RAB31: variants seen among roughly 807,000 people sequenced by gnomAD.
The protein encoded by RAB31 is ras-related protein Rab-31.
In RAB31, 21 loss-of-function variants were observed where a neutral mutation model predicts 25.6. That is an observed-to-expected ratio of 0.82 (90% CI 0.58 to 1.18). RAB31 has a LOEUF of 1.18. Among genes scored for constraint, RAB31 ranks in the 50% most tolerant of loss-of-function variants. The probability of loss-of-function intolerance (pLI) is 0.00; values close to 1 mark genes in which losing one functional copy is unlikely to be tolerated. For synonymous variants in RAB31, 87 were observed against 84.0 expected, an observed-to-expected ratio of 1.04 and a Z score of -0.20; for missense variants, 196 against 250.1, an observed-to-expected ratio of 0.78 and a Z score of 1.46.
chr18:9,847,569 CTAA>C (rs1331774879), intron 6 of RAB31, among the ~76,000 whole-genome samples: 1 of 152,168 alleles, frequency 6.6e-6, no homozygotes, highest in African/African-American at 2.4e-5. Context: ...AAGTACTGTA[CTAA>C]TATCTTTTTT....
At chr18:9,782,342 G>A (rs1391041974) in intron 2 of RAB31, among the ~76,000 whole-genome samples, 1 of 152,212 alleles carries the variant, frequency 6.6e-6, no homozygotes, top group Non-Finnish European at 1.5e-5. Context: ...GCTCACACCA[G>A]TGAGTCCACT....
At chr18:9,739,333 G>A (rs2068166086) in intron 1 of RAB31, among the ~76,000 whole-genome samples, 1 of 152,126 alleles carries the variant, frequency 6.6e-6, no homozygotes, top group African/African-American at 2.4e-5. Context: ...TTAGCTGGGT[G>A]TGGTGGCGAG....
chr18:9,825,511 A>C (rs909003681), intron 5 of RAB31, among the ~76,000 whole-genome samples: 1 of 152,244 alleles, frequency 6.6e-6, no homozygotes, highest in Non-Finnish European at 1.5e-5. Context: ...GCACTTGTTA[A>C]AAATTCCAGT....
chr18:9,727,925 G>A (rs941822791), intron 1 of RAB31, among the ~76,000 whole-genome samples: 3 of 150,946 alleles, frequency 2.0e-5, no homozygotes, highest in Non-Finnish European at 4.4e-5. Context: ...TCTTTTTTGT[G>A]GTAAGAATAC....
At chr18:9,717,714 C>T (rs957629981) in intron 1 of RAB31, among the ~76,000 whole-genome samples, 12 of 152,152 alleles carry the variant, frequency 7.9e-5, no homozygotes, top group South Asian at 4.1e-4. Context: ...GAGACACGCA[C>T]GTACACACAC....
Position 9,740,565 on chromosome 18 carries a change from T to C in RAB31, c.39+32121T>C, listed in dbSNP as rs537314263. On this transcript the variant is annotated intron_variant, in intron 1 of 6. Transcript: ENST00000578921. ...CTGTCTCTACTAAAAATGCAAAAAT[T>C]AGCTGGGCGTGGTGGCGCACACCTG... 7.2e-5 allele frequency among the ~76,000 whole-genome samples: 11 copies of C among 152,130 alleles called. No homozygotes were observed. The East Asian group carries it at 2.1e-3, about 29-fold the overall frequency.
intron 6 of RAB31, among the ~76,000 whole-genome samples, chr18:9,850,163 C>T (rs1035354495): frequency 5.9e-5 from 9 of 152,106 alleles, no homozygotes; most frequent in Non-Finnish European, 1.0e-4. Flanking sequence ...AAGAGTCATC[C>T]CCAAGTTCTG....
At chr18:9,803,495 C>T (rs574257108) in intron 3 of RAB31, among the ~76,000 whole-genome samples, 4 of 152,230 alleles carry the variant, frequency 2.6e-5, no homozygotes, top group African/African-American at 7.2e-5. Context: ...ACTGAGATCC[C>T]GGCAAGGGAA....
At chr18:9,729,039 T>G (rs1197826691) in intron 1 of RAB31, among the ~76,000 whole-genome samples, 2 of 152,214 alleles carry the variant, frequency 1.3e-5, no homozygotes, top group African/African-American at 4.8e-5. Flanking sequence ...GTGAGTAATC[T>G]TTGTATATTA....
chr18:9,754,158 A>G (rs1568170427), intron 1 of RAB31, among the ~76,000 whole-genome samples: 1 of 152,218 alleles, frequency 6.6e-6, no homozygotes, highest in Non-Finnish European at 1.5e-5. Context: ...TGTGCATCTT[A>G]CGTGCTTATG....
chr18:9,765,474 T>G lies in RAB31; in HGVS notation c.40-9804T>G, dbSNP rs373902218. Among the ~76,000 whole-genome samples the G allele has an allele frequency of 3.7e-4, 56 of 152,348 alleles. 1 individual carries two copies. In the South Asian group the frequency reaches 0.012, roughly 32 times the overall value. The stretch of plus-strand genomic sequence containing the variant: ...GGGTGGTAATAACAACAGCACAGGA[T>G]GGACTTGAGTTTGATAATGTTTTCT... On this transcript the variant is annotated intron_variant, in intron 1 of 6. Transcript: ENST00000578921.
intron 3 of RAB31, among the ~76,000 whole-genome samples, chr18:9,810,713 A>G (rs2068566008): frequency 6.6e-6 from 1 of 152,218 alleles, no homozygotes; most frequent in Non-Finnish European, 1.5e-5. Flanking sequence ...GTTTTAGCCT[A>G]AAGTGAACTC....
chr18:9,825,616 G>A (rs1212920255), intron 5 of RAB31, among the ~76,000 whole-genome samples: 2 of 152,094 alleles, frequency 1.3e-5, no homozygotes, highest in Non-Finnish European at 2.9e-5. Context: ...GTGGTCCAAG[G>A]GTCATTCTCG....
At chr18:9,838,738 C>A (rs1357829651) in intron 5 of RAB31, among the ~76,000 whole-genome samples, 2 of 152,216 alleles carry the variant, frequency 1.3e-5, no homozygotes, top group South Asian at 4.1e-4. Context: ...TGCCAGGGAC[C>A]AGCTCAGGGC....
At chr18:9,767,005 T>C (rs1192684272) in intron 1 of RAB31, among the ~76,000 whole-genome samples, 1 of 152,096 alleles carries the variant, frequency 6.6e-6, no homozygotes, top group African/African-American at 2.4e-5. Context: ...AAGAAGTATG[T>C]AAGCCTTAAA....
At chr18:9,858,598 A>C (rs1373427992) in intron 6 of RAB31, among the ~76,000 whole-genome samples, 1 of 152,184 alleles carries the variant, frequency 6.6e-6, no homozygotes, top group Non-Finnish European at 1.5e-5. Context: ...CTTTCTGATA[A>C]TTTTTAAAAT....
At chr18:9,728,433 T>A (rs1297150029) in intron 1 of RAB31, among the ~76,000 whole-genome samples, 1 of 152,252 alleles carries the variant, frequency 6.6e-6, no homozygotes, top group Non-Finnish European at 1.5e-5. Context: ...AAAAAGATAT[T>A]GCAAAATTAA....
At chr18:9,855,337 A>T (rs529702562) in intron 6 of RAB31, among the ~76,000 whole-genome samples, 1 of 152,182 alleles carries the variant, frequency 6.6e-6, no homozygotes, top group Non-Finnish European at 1.5e-5. Context: ...CCTCAAATTT[A>T]TGCTCAAGGA....
intron 5 of RAB31, among the ~76,000 whole-genome samples, chr18:9,838,353 G>A (rs1032173195): frequency 6.6e-6 from 1 of 152,170 alleles, no homozygotes; most frequent in Non-Finnish European, 1.5e-5. Flanking sequence ...CCATAGTCAA[G>A]ACGCCTGAGT....
Sources: gnomAD v4.1 joint callset for allele counts (sites outside exome capture counted in the v4.1 genomes callset) on GRCh38, gnomAD v4.1.1 for gene constraint, MANE v1.5 for transcripts, NCBI Gene and HGNC (gene_info 2026-07-23, HGNC 2026-07-21) for gene names.